The following NANOS3 variants were observed in gnomAD, a reference collection of about 807,000 sequenced individuals.
The protein encoded by NANOS3 is nanos C2HC-type zinc finger 3.
A neutral mutation model predicts 13.8 loss-of-function variants in NANOS3; 11 were observed. The ratio of observed to expected loss-of-function variants is 0.80; its 90% CI spans 0.50 to 1.32. The LOEUF (loss-of-function observed/expected upper bound fraction) is 1.32, where lower values mean the gene tolerates loss of function less well. NANOS3 is among the 40% of genes most tolerant of loss of function. The pLI is 0.00. For synonymous variants in NANOS3, 119 were observed against 115.4 expected (o/e 1.03, Z -0.20); for missense variants, 221 against 263.8 (o/e 0.84, Z 1.12).
chr19:13,867,799 G>A (rs1217094555), intron 1 of NANOS3, among the ~76,000 whole-genome samples: 6 of 151,958 alleles, frequency 3.9e-5, no homozygotes, highest in African/African-American at 1.5e-4. Flanking sequence ...GATCCTCTTA[G>A]CCACCCACAA....
upstream of NANOS3, among the ~76,000 whole-genome samples, chr19:13,863,516 C>T (rs908923103): frequency 6.6e-6 from 1 of 152,148 alleles, no homozygotes; most frequent in Non-Finnish European, 1.5e-5. Flanking sequence ...CTGTGCCCGG[C>T]CCCCCTTGCC....
In NANOS3 at chr19:13,877,280, T is replaced by C; in HGVS notation, c.32T>C (p.Leu11Pro). The stretch of plus-strand genomic sequence containing the variant: ...ACCTTTGACCTGTGGACAGATTACC[T>C]GGGTTTGGCACACCTGGTTAGGGCT... MGTFDLWTDYLGLAHLVRALS... is the reference protein window; with the variant it reads MGTFDLWTDYPGLAHLVRALS... The change falls in exon 1 of 2, where the codon CTG (leucine) becomes CCG (proline). Residue 11 changes from leucine to proline, a missense_variant. By Grantham distance (98) the Leu-to-Pro change is moderately conservative. Coordinates refer to ENST00000339133, the MANE Select transcript of NANOS3 (RefSeq NM_001098622.3). The C allele has an allele frequency of 6.2e-7, 1 of 1,612,620 alleles. No homozygotes were observed.
chr19:13,873,917 G>A (rs1046150565), upstream of NANOS3, among the ~76,000 whole-genome samples: 16 of 151,670 alleles, frequency 1.1e-4, no homozygotes, highest in East Asian at 2.7e-3. Context: ...GGGCGGGGGG[G>A]TGGTCGCCGA....
At chr19:13,865,228 A>G (rs1474663344), upstream of NANOS3, among the ~76,000 whole-genome samples, 27 of 145,586 alleles carry the variant, frequency 1.9e-4, no homozygotes, top group Admixed American at 1.6e-3. Context: ...ACCGAGACAG[A>G]CAGGCGGGCG....
Position 13,877,772 on chromosome 19 carries a change from G to A in NANOS3, c.517+7G>A, listed in dbSNP as rs774022467. The A allele has an allele frequency of 5.8e-6, 9 of 1,547,190 alleles. No homozygotes were observed. In the Admixed American group the frequency reaches 5.8e-5, roughly 10 times the overall value. Reference sequence around the variant, plus strand: ...GGAGGAGGAGGAGGAGCAGGTGCCTGCACAGGTGGCTGGGGGGGACCTGTC... The same window carrying A: ...GGAGGAGGAGGAGGAGCAGGTGCCTACACAGGTGGCTGGGGGGGACCTGTC... On this transcript the variant is annotated splice_region_variant and intron_variant, in intron 1 of 1. Coordinates refer to ENST00000339133, the MANE Select transcript of NANOS3 (RefSeq NM_001098622.3).
chr19:13,865,705 C>A (rs1471366088), intron 1 of NANOS3, among the ~76,000 whole-genome samples: 2 of 151,144 alleles, frequency 1.3e-5, no homozygotes, highest in South Asian at 2.1e-4. Flanking sequence ...AGGGGACAGA[C>A]CCCCGAGTCC....
intron 1 of NANOS3, among the ~76,000 whole-genome samples, chr19:13,868,752 G>A (rs1274906174): frequency 6.6e-6 from 1 of 151,782 alleles, no homozygotes; most frequent in East Asian, 1.9e-4. Context: ...TGGGATGGGG[G>A]GGACACCATG....
chr19:13,877,711 G>C lies in NANOS3; in HGVS notation c.463G>C (p.Asp155His), dbSNP rs750382600. 72 of 1,604,730 alleles carry C rather than the reference G, an allele frequency of 4.5e-5. No homozygotes were observed. The East Asian group carries it at 1.2e-3, about 26-fold the overall frequency. The change falls in exon 1 of 2, where the codon GAC becomes CAC. Residue 155 changes from aspartate (D) to histidine (H), a missense_variant. Coordinates refer to ENST00000339133, the MANE Select transcript of NANOS3 (RefSeq NM_001098622.3). ...GGCAGGCAAGAAGCTGGTCCGGCCT[G>C]ACAAGGCGAAGACACAGGACACAGG... is the stretch of plus-strand genomic sequence containing the variant. ...NSAGKKLVRP[D>H]KAKTQDTGHR...
upstream of NANOS3, among the ~76,000 whole-genome samples, chr19:13,872,360 A>AGAGAG (rs1467068692): frequency 5.7e-5 from 8 of 141,158 alleles, no homozygotes; most frequent in African/African-American, 1.9e-4. Context: ...AAAAAAAAAA[A>AGAGAG]AGAGAGAGAG....
upstream of NANOS3, among the ~76,000 whole-genome samples, chr19:13,874,081 ACCGCGCACG>A (rs1316154200): frequency 6.6e-6 from 1 of 151,960 alleles, no homozygotes; most frequent in Non-Finnish European, 1.5e-5. Flanking sequence ...ATGCTGTGTG[ACCGCGCACG>A]CGGGGCGAGC....
At chr19:13,874,329 G>T (rs1159655326), upstream of NANOS3, among the ~76,000 whole-genome samples, 1 of 152,186 alleles carries the variant, frequency 6.6e-6, no homozygotes, top group Non-Finnish European at 1.5e-5. Context: ...AGGATCCTCC[G>T]TTGCCAGACT....
upstream of NANOS3, among the ~76,000 whole-genome samples, chr19:13,872,736 C>T (rs1968418627): frequency 6.6e-6 from 1 of 152,162 alleles, no homozygotes; most frequent in Non-Finnish European, 1.5e-5. Context: ...AAAGAGAAGC[C>T]GATCAGGCCC....
upstream of NANOS3, among the ~76,000 whole-genome samples, chr19:13,874,507 C>T (rs1968469805): frequency 6.6e-6 from 1 of 152,200 alleles, no homozygotes; most frequent in Non-Finnish European, 1.5e-5. Context: ...CATCTCCATC[C>T]CCATAGCAAA....
upstream of NANOS3, among the ~76,000 whole-genome samples, chr19:13,863,034 T>C (rs1237049931): frequency 6.6e-6 from 1 of 152,186 alleles, no homozygotes; most frequent in East Asian, 1.9e-4. Flanking sequence ...GGCCCACCCT[T>C]CTAAAGAGAA....
chr19:13,865,852 G>A (rs1257101133), intron 1 of NANOS3, among the ~76,000 whole-genome samples: 1 of 151,382 alleles, frequency 6.6e-6, no homozygotes, highest in Non-Finnish European at 1.5e-5. Flanking sequence ...GGCCGGGGCG[G>A]CGGCGAGCTT....
chr19:13,874,809 C>A (rs1401886654), upstream of NANOS3: 1 of 532,774 alleles, frequency 1.9e-6, no homozygotes, highest in East Asian at 5.5e-5. Flanking sequence ...TTGCCATCCT[C>A]CTGCCGGTGA....
chr19:13,870,294 T>A (rs1976306609), intron 1 of NANOS3, among the ~76,000 whole-genome samples: 1 of 152,146 alleles, frequency 6.6e-6, no homozygotes, highest in Non-Finnish European at 1.5e-5. Flanking sequence ...TTGCTCAGGC[T>A]GGTCTTGAAC....
chr19:13,868,816 C>T (rs1329993376), intron 1 of NANOS3, among the ~76,000 whole-genome samples: 1 of 152,074 alleles, frequency 6.6e-6, no homozygotes, highest in Admixed American at 6.6e-5. Flanking sequence ...ACACCAGACA[C>T]CCACGCACAC....
At chr19:13,875,223 G>A (rs1968487063), upstream of NANOS3, among the ~76,000 whole-genome samples, 1 of 147,940 alleles carries the variant, frequency 6.8e-6, no homozygotes, top group Non-Finnish European at 1.5e-5. Context: ...GTCTCACTCT[G>A]TTGCCTAGGC....
Sources: gnomAD v4.1 joint callset for allele counts (sites outside exome capture counted in the v4.1 genomes callset) on GRCh38, gnomAD v4.1.1 for gene constraint, MANE v1.5 for transcripts, NCBI Gene and HGNC (gene_info 2026-07-23, HGNC 2026-07-21) for gene names.